The following TAOK1 variants were observed in gnomAD, a reference collection of about 807,000 sequenced individuals.
TAOK1 encodes the protein TAO kinase 1, also known as serine/threonine-protein kinase TAO1.
TAOK1 carries 21 observed loss-of-function variants against 138.3 expected under a neutral mutation model. That is an observed-to-expected ratio of 0.15 (90% confidence interval 0.11 to 0.22). TAOK1 has a LOEUF of 0.22. TAOK1 is among the 10% of genes least tolerant of loss of function. The pLI is 1.00. For missense variants in TAOK1, 651 were observed against 1,227.7 expected, an observed-to-expected ratio of 0.53 and a Z score of 7.02; for synonymous variants, 361 against 398.4, an observed-to-expected ratio of 0.91 and a Z score of 1.12.
intron 15 of TAOK1, chr17:29,514,381 G>A (rs2031776556): frequency 6.6e-6 from 1 of 152,002 alleles, no homozygotes; most frequent in Admixed American, 6.6e-5. Flanking sequence ...CTTTTTTTGA[G>A]ACAGGGTTTC....
chr17:29,467,194 A>G lies in TAOK1; in HGVS notation c.182A>G (p.Tyr61Cys). 1 of 1,605,532 alleles carries G rather than the reference A, an allele frequency of 6.2e-7. No homozygotes were observed. Among genetic ancestry groups the G allele is most frequent in the Non-Finnish European group, 8.5e-7 (1 of 1,174,670 alleles). ...NEVVAIKKMS[Y>C]SGKQSTEKWQ... ...GTGGTGGCCATCAAGAAAATGTCTTATAGTGGAAAGCAGTCTACTGAGGTA... is the reference window on the plus strand; with the variant it reads ...GTGGTGGCCATCAAGAAAATGTCTTGTAGTGGAAAGCAGTCTACTGAGGTA... Residue 61 changes from tyrosine (Y) to cysteine (C), a missense_variant, in exon 3 of 20, where the codon TAT becomes TGT. Tyr to Cys is a radical substitution (Grantham distance 194). Around this residue, in one of 8 missense-constraint regions of TAOK1, gnomAD observed 116 missense variants for 213.9 expected, o/e 0.54. Transcript: ENST00000261716.
At position 29,479,616 on chromosome 17, in the gene TAOK1, A is replaced by G. The variant is rs565438995; in HGVS notation, c.450-752A>G. On this transcript the variant is annotated intron_variant, in intron 6 of 19. Coordinates refer to ENST00000261716, the MANE Select transcript of TAOK1 (RefSeq NM_020791.4). Reference sequence around the variant, plus strand: ...ATTTAAAAAAAATCAAATGGAGGAAAAATAGATTCACTTCGTGTTATGCTC... The same window carrying G: ...ATTTAAAAAAAATCAAATGGAGGAAGAATAGATTCACTTCGTGTTATGCTC... Among the ~76,000 whole-genome samples the G allele has an allele frequency of 2.2e-4, 33 of 152,316 alleles. No homozygotes were observed. The South Asian group carries it at 6.6e-3, about 31-fold the overall frequency.
At chr17:29,425,320 G>T (rs1054636606) in intron 1 of TAOK1, among the ~76,000 whole-genome samples, 1 of 152,120 alleles carries the variant, frequency 6.6e-6, no homozygotes, top group Non-Finnish European at 1.5e-5. Flanking sequence ...TGATTCTCCT[G>T]CCTTGGCCTC....
chr17:29,501,213 C>T (rs2031516872), intron 12 of TAOK1, among the ~76,000 whole-genome samples: 2 of 132,478 alleles, frequency 1.5e-5, no homozygotes, highest in African/African-American at 5.7e-5. Flanking sequence ...AGGGAGACCC[C>T]ATCTGTTTAA....
intron 1 of TAOK1, among the ~76,000 whole-genome samples, chr17:29,393,287 C>T (rs1230842404): frequency 6.6e-6 from 1 of 151,330 alleles, no homozygotes; most frequent in African/African-American, 2.4e-5. Context: ...GAGGATTTAT[C>T]AATAGAGGCT....
intron 19 of TAOK1, among the ~76,000 whole-genome samples, chr17:29,534,928 GGTGTGTGTGT>G (rs71138832): frequency 8.1e-5 from 12 of 147,294 alleles, no homozygotes; most frequent in South Asian, 4.4e-4. Flanking sequence ...AGGATACTAA[GGTGTGTGTGT>G]GTGTGTGTGT....
intron 1 of TAOK1, among the ~76,000 whole-genome samples, chr17:29,402,280 G>A (rs182137235): frequency 1.3e-5 from 2 of 152,222 alleles, no homozygotes; most frequent in Non-Finnish European, 2.9e-5. Flanking sequence ...CTCATGAATT[G>A]CAGAATTTTA....
At chr17:29,482,956 A>G (rs564445379) in intron 8 of TAOK1, among the ~76,000 whole-genome samples, 3 of 152,326 alleles carry the variant, frequency 2.0e-5, no homozygotes, top group South Asian at 4.1e-4. Flanking sequence ...CTGTGAGCCA[A>G]TAAACTGTCA....
At chr17:29,513,558 G>A (rs1188589969) in intron 15 of TAOK1, 10 of 152,234 alleles carry the variant, frequency 6.6e-5, no homozygotes, top group African/African-American at 2.2e-4. Flanking sequence ...GTATGTATTT[G>A]TGTTCATTTA....
At chr17:29,414,394 C>T (rs2153021238) in intron 1 of TAOK1, among the ~76,000 whole-genome samples, 1 of 152,060 alleles carries the variant, frequency 6.6e-6, no homozygotes, top group South Asian at 2.1e-4. Context: ...GGATTACAGG[C>T]ACACGCCACT....
At chr17:29,408,331 TCCTCTCA>T (rs1323195267) in intron 1 of TAOK1, among the ~76,000 whole-genome samples, 1 of 150,890 alleles carries the variant, frequency 6.6e-6, no homozygotes, top group African/African-American at 2.4e-5. Flanking sequence ...GCTCAAGCTA[TCCTCTCA>T]CCTCAGCCTC....
At chr17:29,450,707 G>T (rs1258348365) in intron 1 of TAOK1, among the ~76,000 whole-genome samples, 1 of 152,052 alleles carries the variant, frequency 6.6e-6, no homozygotes, top group Non-Finnish European at 1.5e-5. Context: ...GTAGAGGCAG[G>T]GTCTTACCAT....
chr17:29,511,610 A>G (rs2031721568), intron 15 of TAOK1: 1 of 152,256 alleles, frequency 6.6e-6, no homozygotes, highest in Non-Finnish European at 1.5e-5. Flanking sequence ...CAGTGGCACA[A>G]TCATAGCTCA....
chr17:29,546,608 G>A lies in TAOK1; in HGVS notation c.*3586G>A, dbSNP rs1410084201. ...ATTTCTCCATTTGTGCCATTCACTA[G>A]TGGAAATAAATTGTATTATACCATG... On this transcript the variant is annotated 3_prime_UTR_variant, in exon 20 of 20. Transcript: ENST00000261716. 6.6e-6 allele frequency: 1 copy of A among 152,010 alleles called. No individual in the cohort carries two copies. The highest frequency in any genetic ancestry group is 2.4e-5 in the African/African-American group (1 of 41,394). The allele number at this position is 152,010 out of a possible 1,614,324, so 9.4% of individuals were successfully genotyped here.
At chr17:29,410,190 A>G (rs1259917517) in intron 1 of TAOK1, among the ~76,000 whole-genome samples, 4 of 152,196 alleles carry the variant, frequency 2.6e-5, no homozygotes, top group Admixed American at 6.6e-5. Context: ...AAATGGGAAT[A>G]ATAATACTTT....
intron 3 of TAOK1, among the ~76,000 whole-genome samples, chr17:29,472,442 AG>A (rs956685455): frequency 2.0e-5 from 3 of 151,968 alleles, no homozygotes; most frequent in African/African-American, 7.2e-5. Context: ...TAGTAGAGAC[AG>A]GGTTTTGCCA....
At position 29,546,779 on chromosome 17, in the gene TAOK1, G is replaced by C. The variant is rs1016608704; in HGVS notation, c.*3757G>C. On this transcript the variant is annotated 3_prime_UTR_variant, in exon 20 of 20. Transcript: ENST00000261716. ...AACTCATACTGTACATTTCCATCAG[G>C]GCACTTAAAAGTTCTGTTATTTTTG... The C allele has an allele frequency of 6.6e-6, 1 of 152,004 alleles. No homozygotes were observed. Among genetic ancestry groups the C allele is most frequent in the African/African-American group, 2.4e-5 (1 of 41,398 alleles). 9.4% of individuals were successfully genotyped at this position (152,004 alleles called of 1,614,324 possible). A position where few individuals can be genotyped will look rare whatever the true frequency, so the allele number is the denominator to read the frequency against.
intron 1 of TAOK1, among the ~76,000 whole-genome samples, chr17:29,423,195 A>T (rs1327753644): frequency 9.4e-5 from 7 of 74,814 alleles, no homozygotes; most frequent in Non-Finnish European, 1.4e-4. Context: ...CTGGATGCTT[A>T]TATTTTGGTA....
At chr17:29,494,715 A>G (rs2031376557) in intron 10 of TAOK1, among the ~76,000 whole-genome samples, 1 of 150,896 alleles carries the variant, frequency 6.6e-6, no homozygotes, top group South Asian at 2.1e-4. Flanking sequence ...AGTCCTAGCT[A>G]CTTGGGAGGC....
Sources: allele counts gnomAD v4.1 joint callset (sites outside exome capture counted in the v4.1 genomes callset), GRCh38; gene constraint gnomAD v4.1.1; regional missense constraint gnomAD v4.1.1; transcripts MANE v1.5; gene names NCBI Gene and HGNC (gene_info 2026-07-23, HGNC 2026-07-21).